The following CFAP47 variants were observed in gnomAD, a reference collection of about 807,000 sequenced individuals.
CFAP47 encodes the protein cilia- and flagella-associated protein 47.
Under a neutral mutation model 148.1 loss-of-function variants are expected in CFAP47, and 29 were observed. The ratio of observed to expected loss-of-function variants is 0.20; its 90% CI spans 0.15 to 0.27. The LOEUF (loss-of-function observed/expected upper bound fraction) is 0.27, where lower values mean the gene tolerates loss of function less well. CFAP47 is among the 10% of genes least tolerant of loss of function. The pLI is 1.00. For synonymous variants in CFAP47, 664 were observed against 577.3 expected (o/e 1.15, Z -2.15); for missense variants, 1,872 against 1,697.5 (o/e 1.10, Z -1.81).
chrX:36,371,354 A>G, intron 62 of CFAP47, among the ~76,000 whole-genome samples: 2 of 109,935 alleles, frequency 1.8e-5, no homozygotes, highest in Non-Finnish European at 3.8e-5. Context: ...AATTAGAAAC[A>G]AATGGTTTCC....
At chrX:36,253,168 G>C (rs1940712773) in intron 49 of CFAP47, among the ~76,000 whole-genome samples, 1 of 112,108 alleles carries the variant, frequency 8.9e-6, no homozygotes, top group Non-Finnish European at 1.9e-5. Context: ...ATTTGGTGAA[G>C]TTAAATGCAG....
chrX:36,276,524 T>C (rs782223377), intron 49 of CFAP47, among the ~76,000 whole-genome samples: 5 of 112,180 alleles, frequency 4.5e-5, no homozygotes, highest in Non-Finnish European at 9.4e-5. Context: ...AATATTAAAC[T>C]ACAACTTTTA....
intron 49 of CFAP47, among the ~76,000 whole-genome samples, chrX:36,254,415 C>T (rs1940727015): frequency 9.0e-6 from 1 of 110,923 alleles, no homozygotes; most frequent in Non-Finnish European, 1.9e-5. Context: ...TTACTTATTG[C>T]ACTGGGAGCC....
chrX:35,920,403 C>T (rs1448018947), intron 1 of CFAP47, among the ~76,000 whole-genome samples: 1 of 111,445 alleles, frequency 9.0e-6, no homozygotes, highest in African/African-American at 3.3e-5. Flanking sequence ...CTATTAACTG[C>T]CCTTTGAATC....
At chrX:36,114,466 T>G (rs777290536) in intron 33 of CFAP47, among the ~76,000 whole-genome samples, 1 of 112,062 alleles carries the variant, frequency 8.9e-6, no homozygotes, top group Non-Finnish European at 1.9e-5. Context: ...CTTTCAAATT[T>G]TTGTGGGATG....
intron 1 of CFAP47, among the ~76,000 whole-genome samples, chrX:35,923,420 C>A (rs1267830518): frequency 1.8e-5 from 2 of 111,436 alleles, no homozygotes; most frequent in African/African-American, 6.5e-5. Flanking sequence ...TGGCATCTAG[C>A]AAACGTCTTA....
At chrX:36,181,581 G>T (rs1270614086) in intron 40 of CFAP47, among the ~76,000 whole-genome samples, 1 of 111,335 alleles carries the variant, frequency 9.0e-6, no homozygotes, top group South Asian at 3.7e-4. Flanking sequence ...TACTTCCTTA[G>T]TTCTTCTCTC....
At chrX:35,996,695 G>A (rs1386079874) in intron 18 of CFAP47, among the ~76,000 whole-genome samples, 2 of 111,574 alleles carry the variant, frequency 1.8e-5, no homozygotes, top group Non-Finnish European at 3.8e-5. Flanking sequence ...GCAATAAAAT[G>A]TTCAGGCAGC....
chrX:36,221,247 G>A (rs1394275531), intron 45 of CFAP47, among the ~76,000 whole-genome samples: 2 of 111,612 alleles, frequency 1.8e-5, no homozygotes, highest in Non-Finnish European at 1.9e-5. Flanking sequence ...TCAATTACTA[G>A]ATAGCAACTT....
intron 21 of CFAP47, among the ~76,000 whole-genome samples, chrX:36,002,671 CAG>C (rs1936930069): frequency 1.8e-5 from 2 of 111,602 alleles, no homozygotes. Flanking sequence ...ATGTGGCAAT[CAG>C]AGTATAAGAT....
At chrX:36,317,306 A>T (rs1556011166) in intron 56 of CFAP47, among the ~76,000 whole-genome samples, 1 of 111,995 alleles carries the variant, frequency 8.9e-6, no homozygotes, top group Non-Finnish European at 1.9e-5. Context: ...CCAAATTCAG[A>T]CATGCAACTT....
intron 33 of CFAP47, among the ~76,000 whole-genome samples, chrX:36,130,518 G>C (rs1276573062): frequency 9.0e-6 from 1 of 111,060 alleles, no homozygotes; most frequent in Non-Finnish European, 1.9e-5. Flanking sequence ...CAGTTTGGAG[G>C]TTCCTCAAAA....
At chrX:36,022,833 T>C (rs1446255641) in intron 22 of CFAP47, among the ~76,000 whole-genome samples, 1 of 111,705 alleles carries the variant, frequency 9.0e-6, no homozygotes, top group African/African-American at 3.3e-5. Context: ...CGTCTCTTTG[T>C]TAATCTTATC....
At chrX:35,987,656 G>GA (rs747161716) in intron 15 of CFAP47, among the ~76,000 whole-genome samples, 2 of 110,972 alleles carry the variant, frequency 1.8e-5, no homozygotes, top group African/African-American at 6.5e-5. Context: ...ACTGGGGTAT[G>GA]AAAAAAAACT....
At chrX:35,961,890 A>G (rs1001933933) in intron 8 of CFAP47, among the ~76,000 whole-genome samples, 3 of 111,160 alleles carry the variant, frequency 2.7e-5, no homozygotes, top group African/African-American at 9.8e-5. Context: ...TCTGTTTTCA[A>G]ATTTCCTAAG....
chrX:36,287,256 G>A (rs1941143467), intron 51 of CFAP47, among the ~76,000 whole-genome samples: 1 of 111,226 alleles, frequency 9.0e-6, no homozygotes, highest in African/African-American at 3.3e-5. Context: ...AATGGCCCTT[G>A]TTCATTTTTC....
At chrX:35,997,512 A>G (rs895409962) in intron 19 of CFAP47, 123 bp downstream of exon 19, 3 of 243,949 alleles carry the variant, frequency 1.2e-5, no homozygotes, top group African/African-American at 5.7e-5. Flanking sequence ...AAAAATTACT[A>G]TATACAAAGT....
intron 40 of CFAP47, among the ~76,000 whole-genome samples, chrX:36,183,252 G>A (rs757922543): frequency 9.0e-6 from 1 of 111,236 alleles, no homozygotes; most frequent in African/African-American, 3.3e-5. Context: ...CTGGGTGGCA[G>A]AGGTTGCAGT....
chrX:36,157,651 G>A (rs73197161), intron 37 of CFAP47, among the ~76,000 whole-genome samples: 4,904 of 109,930 alleles, frequency 0.045, 195 homozygotes, highest in African/African-American at 0.13. Flanking sequence ...ATGTCCTACC[G>A]TTTGTACTAT....
Sources: gnomAD v4.1 joint callset for allele counts (sites outside exome capture counted in the v4.1 genomes callset) on GRCh38, gnomAD v4.1.1 for gene constraint, MANE v1.5 for transcripts, NCBI Gene and HGNC (gene_info 2026-07-23, HGNC 2026-07-21) for gene names.